Variants in PCDHA12 observed in about 807,000 individuals in gnomAD.
PCDHA12 encodes the protein protocadherin alpha 12.
A neutral mutation model predicts 60.0 loss-of-function variants in PCDHA12; 44 were observed. That is an observed-to-expected ratio of 0.73 (90% CI 0.58 to 0.94). The LOEUF (loss-of-function observed/expected upper bound fraction) is 0.94. Ranked by LOEUF, PCDHA12 falls within the 40% of genes least tolerant of loss-of-function variation. PCDHA12 has a pLI of 0.00. For missense variants in PCDHA12, 1,276 were observed against 1,239.7 expected (o/e 1.03, Z -0.44); for synonymous variants, 569 against 553.0 (o/e 1.03, Z -0.40).
In PCDHA12 at chr5:140,877,306, C is replaced by G. The variant is rs1554169576; in HGVS notation, c.1834C>G (p.Gln612Glu). 1 of 1,613,826 alleles carries G rather than the reference C, an allele frequency of 6.2e-7. No homozygotes were observed. Among genetic ancestry groups the G allele is most frequent in the African/African-American group, 1.3e-5 (1 of 74,936 alleles). The change falls in exon 1 of 4, where the codon CAA (glutamine) becomes GAA (glutamate). Residue 612 changes from glutamine (Q) to glutamate (E), a missense_variant. Transcript: ENST00000398631. ...GYNAWLSYEL[Q>E]PAAVGAHIPF... ...TAACGCTTGGCTGTCCTACGAGTTG[C>G]AACCGGCGGCGGTCGGCGCGCACAT...
chr5:140,993,460 TCTCACACACA>T (rs1210103837), intron 3 of PCDHA12, among the ~76,000 whole-genome samples: 11 of 104,506 alleles, frequency 1.1e-4, no homozygotes, highest in Admixed American at 1.2e-4. Flanking sequence ...CTTCTTTCTT[TCTCACACACA>T]CACACACACA....
rs1554168774 is a variant in PCDHA12, at chr5:140,876,673, T to C, written c.1201T>C (p.Tyr401His). ...TGTTCCCTTCAAGCTGGTGTCCACCTACAAGAATTACTACTCGTTGGTGCT... is the reference window on the plus strand; with the variant it reads ...TGTTCCCTTCAAGCTGGTGTCCACCCACAAGAATTACTACTCGTTGGTGCT... ...PHVPFKLVST[Y>H]KNYYSLVLDS... is the part of the protein sequence containing the mutation. The change falls in exon 1 of 4, where the codon TAC becomes CAC. Residue 401 changes from tyrosine (Y) to histidine (H), a missense_variant. By Grantham distance (83) the Tyr-to-His change is moderately conservative. Coordinates refer to ENST00000398631, the MANE Select transcript of PCDHA12 (RefSeq NM_018903.4). 6.2e-7 allele frequency: 1 copy of C among 1,614,206 alleles called. No individual in the cohort carries two copies. Among genetic ancestry groups the C allele is most frequent in the Non-Finnish European group, 8.5e-7 (1 of 1,180,036 alleles).
chr5:140,939,904 T>A (rs1554213033), intron 1 of PCDHA12, among the ~76,000 whole-genome samples: 3 of 152,228 alleles, frequency 2.0e-5, no homozygotes, highest in Non-Finnish European at 2.9e-5. Context: ...TTCTGCATTC[T>A]TTTTTATTCT....
chr5:140,988,152 C>G (rs2153871090), intron 3 of PCDHA12, among the ~76,000 whole-genome samples: 1 of 152,258 alleles, frequency 6.6e-6, no homozygotes, highest in East Asian at 1.9e-4. Flanking sequence ...ACCTCAACTT[C>G]TGCCGTTGTC....
chr5:140,879,470 T>C (rs73793510), intron 1 of PCDHA12, among the ~76,000 whole-genome samples: 2,106 of 152,256 alleles, frequency 0.014, 41 homozygotes, highest in African/African-American at 0.048. Flanking sequence ...GAGAATACCG[T>C]TGTGATTGGA....
At position 140,877,730 on chromosome 5, in the gene PCDHA12, A is replaced by C; in HGVS notation, c.2258A>C (p.Gln753Pro). 1 of 1,614,146 alleles carries C rather than the reference A, an allele frequency of 6.2e-7. No individual in the cohort carries two copies. Among genetic ancestry groups the C allele is most frequent in the Non-Finnish European group, 8.5e-7 (1 of 1,180,018 alleles). The change falls in exon 1 of 4, where the codon CAG becomes CCG. Residue 753 changes from glutamine to proline, a missense_variant. Physicochemically the swap from Gln to Pro is moderately conservative, Grantham distance 76 (BLOSUM62 -1). Transcript: ENST00000398631. ...SAVGSWSYSQQRRQRVCSAES... is the reference protein window; with the variant it reads ...SAVGSWSYSQPRRQRVCSAES... Reference sequence around the variant, plus strand: ...GTGGGGAGTTGGTCTTACTCGCAGCAGAGGAGGCAGAGGGTGTGCTCTGCA... The same window carrying C: ...GTGGGGAGTTGGTCTTACTCGCAGCCGAGGAGGCAGAGGGTGTGCTCTGCA...
At chr5:140,947,635 G>A (rs1170525936) in intron 1 of PCDHA12, among the ~76,000 whole-genome samples, 1 of 151,538 alleles carries the variant, frequency 6.6e-6, no homozygotes, top group African/African-American at 2.4e-5. Context: ...TCATCAGATC[G>A]TATGAACATA....
chr5:140,900,380 C>T (rs554914375), intron 1 of PCDHA12, among the ~76,000 whole-genome samples: 2 of 152,208 alleles, frequency 1.3e-5, no homozygotes, highest in Admixed American at 6.5e-5. Flanking sequence ...TGGGTTCAAG[C>T]GATTCTCCTG....
At chr5:140,927,688 G>C in intron 1 of PCDHA12, 1 of 1,614,062 alleles carries the variant, frequency 6.2e-7, no homozygotes, top group Non-Finnish European at 8.5e-7. Context: ...AGGGTCCAAT[G>C]GGGAAGTCCA....
chr5:140,927,506 C>G (rs1554204645), intron 1 of PCDHA12: 1 of 1,614,128 alleles, frequency 6.2e-7, no homozygotes, highest in Non-Finnish European at 8.5e-7. Context: ...GTGCTTACAG[C>G]TCGGGACGGC....
intron 1 of PCDHA12, among the ~76,000 whole-genome samples, chr5:140,908,378 C>T (rs951348145): frequency 2.6e-5 from 4 of 152,126 alleles, no homozygotes; most frequent in Admixed American, 6.6e-5. Context: ...AGGACCTGCT[C>T]GAGCCCGATC....
At chr5:140,883,786 C>G in intron 1 of PCDHA12, 1 of 1,612,422 alleles carries the variant, frequency 6.2e-7, no homozygotes, top group Admixed American at 1.7e-5. Flanking sequence ...CGCTGTCGAG[C>G]TACGTGTCGG....
At chr5:140,919,525 T>G (rs2079174631) in intron 1 of PCDHA12, among the ~76,000 whole-genome samples, 1 of 152,196 alleles carries the variant, frequency 6.6e-6, no homozygotes, top group Non-Finnish European at 1.5e-5. Context: ...TAATTCTCTT[T>G]TTTTCCTATA....
At chr5:140,892,405 T>C (rs1224393895) in intron 1 of PCDHA12, among the ~76,000 whole-genome samples, 2 of 152,206 alleles carry the variant, frequency 1.3e-5, no homozygotes, top group African/African-American at 2.4e-5. Context: ...ATTTCAAGCT[T>C]CAGGTATTCT....
In PCDHA12 at chr5:140,906,646, G is replaced by T. The variant is rs1473127161; in HGVS notation, c.2367+28807G>T. On this transcript the variant is annotated intron_variant, in intron 1 of 3. Coordinates refer to ENST00000398631, the MANE Select transcript of PCDHA12 (RefSeq NM_018903.4). ...TCAGCAAGCACCTCAGCAGGTAGTG[G>T]TTTTTTCCTGGTGTAGTGACCCAAA... Among the ~76,000 whole-genome samples the T allele has an allele frequency of 2.0e-5, 3 of 152,192 alleles. No individual in the cohort carries two copies. In the East Asian group the frequency reaches 5.8e-4, roughly 29 times the overall value.
intron 1 of PCDHA12, among the ~76,000 whole-genome samples, chr5:140,937,761 A>C (rs868923892): frequency 6.6e-6 from 1 of 151,650 alleles, no homozygotes; most frequent in Non-Finnish European, 1.5e-5. Flanking sequence ...AAATACAAAA[A>C]ATTAGTCGGG....
intron 1 of PCDHA12, chr5:140,883,199 G>A (rs782445481): frequency 6.2e-7 from 1 of 1,613,862 alleles, no homozygotes; most frequent in Non-Finnish European, 8.5e-7. Context: ...ACTAGATTTC[G>A]AAGAAAAGAA....
At chr5:141,003,771 T>G (rs1301111940) in intron 3 of PCDHA12, among the ~76,000 whole-genome samples, 4 of 152,250 alleles carry the variant, frequency 2.6e-5, no homozygotes, top group African/African-American at 9.6e-5. Context: ...CGTATTCTGT[T>G]AAATAAACTT....
At chr5:140,926,018 G>C (rs1489789521) in intron 1 of PCDHA12, among the ~76,000 whole-genome samples, 1 of 152,122 alleles carries the variant, frequency 6.6e-6, no homozygotes, top group Non-Finnish European at 1.5e-5. Context: ...CCAGAGTCCG[G>C]AGGCAGTTTG....
Sources: gnomAD v4.1 joint callset for allele counts (sites outside exome capture counted in the v4.1 genomes callset) on GRCh38, gnomAD v4.1.1 for gene constraint, MANE v1.5 for transcripts, NCBI Gene and HGNC (gene_info 2026-07-23, HGNC 2026-07-21) for gene names.